The following TERF1 variants were observed in gnomAD, a reference collection of about 807,000 sequenced individuals.
TERF1 encodes the protein telomeric repeat-binding factor 1.
Under a neutral mutation model 55.1 loss-of-function variants are expected in TERF1, and 20 were observed. The observed-to-expected ratio is 0.36, with a 90% CI of 0.26 to 0.53. The LOEUF is 0.53. TERF1 is among the 20% of genes least tolerant of loss of function. The pLI, the probability that TERF1 is intolerant of heterozygous loss-of-function variation, is 0.91. For missense variants in TERF1, 439 were observed against 535.7 expected, an observed-to-expected ratio of 0.82 and a Z score of 1.78; for synonymous variants, 168 against 181.2, an observed-to-expected ratio of 0.93 and a Z score of 0.59.
intron 8 of TERF1, among the ~76,000 whole-genome samples, chr8:73,037,915 TATATA>T (rs1200906178): frequency 3.2e-5 from 4 of 125,036 alleles, no homozygotes; most frequent in Admixed American, 1.0e-4. Context: ...TATGATATAA[TATATA>T]ATATATATAA....
At chr8:73,024,796 T>A in intron 4 of TERF1, 26 bp from the exon 5 acceptor site, 1 of 1,491,166 alleles carries the variant, frequency 6.7e-7, no homozygotes, top group Non-Finnish European at 9.1e-7. Flanking sequence ...TGATTTATGT[T>A]AATATATTTC....
At chr8:73,024,090 A>G (rs1288514196) in intron 4 of TERF1, among the ~76,000 whole-genome samples, 1 of 152,208 alleles carries the variant, frequency 6.6e-6, no homozygotes, top group Non-Finnish European at 1.5e-5. Context: ...TTGTGCAGCC[A>G]GCATTGAAAA....
rs1196527505 is a variant in TERF1 at position 73,047,522 on chromosome 8, T to G, written c.*1385T>G. The G allele has an allele frequency of 2.0e-5, 3 of 152,224 alleles. No homozygotes were observed. The highest frequency in any genetic ancestry group is 2.0e-4 in the Admixed American group (3 of 15,282). The allele number at this position is 152,224 out of a possible 1,614,324, so 9.4% of individuals were successfully genotyped here. On this transcript the variant is annotated 3_prime_UTR_variant, in exon 10 of 10. Coordinates refer to ENST00000276603, the MANE Select transcript of TERF1 (RefSeq NM_017489.3). Reference sequence around the variant, plus strand: ...ACAATTTTGGTTTTTCACCAACATTTTATTCTTTAAAAGATTTAGACTAAC... The same window carrying G: ...ACAATTTTGGTTTTTCACCAACATTGTATTCTTTAAAAGATTTAGACTAAC...
chr8:73,016,838 G>C (rs550723625), intron 2 of TERF1, among the ~76,000 whole-genome samples: 1 of 152,220 alleles, frequency 6.6e-6, no homozygotes, highest in East Asian at 1.9e-4. Flanking sequence ...ACCAGAAGCT[G>C]TTCTTATTTG....
At chr8:73,034,117 A>G (rs893269757) in intron 8 of TERF1, among the ~76,000 whole-genome samples, 3 of 97,372 alleles carry the variant, frequency 3.1e-5, no homozygotes, top group Admixed American at 2.6e-4. Context: ...ACACCCTGCT[A>G]TTTTTTTGTT....
intron 8 of TERF1, among the ~76,000 whole-genome samples, chr8:73,034,895 C>CG (rs1442865285): frequency 6.6e-6 from 1 of 152,000 alleles, no homozygotes; most frequent in African/African-American, 2.4e-5. Context: ...AATTTGAAAT[C>CG]AGACAGTCTG....
At chr8:73,009,240 G>T (rs747357861) in intron 1 of TERF1, 35 bp downstream of exon 1, 4 of 1,581,058 alleles carry the variant, frequency 2.5e-6, no homozygotes, top group African/African-American at 1.3e-5. Flanking sequence ...GGGACTACGC[G>T]GGGGGCGGAT....
intron 1 of TERF1, chr8:73,011,441 T>A (rs1302814182): frequency 1.3e-5 from 2 of 152,296 alleles, no homozygotes; most frequent in Non-Finnish European, 2.9e-5. Context: ...TCCCAGCTAC[T>A]CAGGAGGCTG....
intron 8 of TERF1, chr8:73,038,656 T>TGCCTAAAAA (rs1809704887): frequency 2.1e-6 from 1 of 481,654 alleles, no homozygotes; most frequent in Non-Finnish European, 2.7e-6. Flanking sequence ...TTAGGTTTTC[T>TGCCTAAAAA]GCCTAAACAA....
At chr8:73,018,559 C>A (rs1057118964) in intron 2 of TERF1, among the ~76,000 whole-genome samples, 1 of 152,066 alleles carries the variant, frequency 6.6e-6, no homozygotes. Context: ...ACCTGTAATC[C>A]CAGCTACTTG....
intron 1 of TERF1, chr8:73,011,143 G>A (rs59955385): frequency 0.67 from 101,922 of 151,660 alleles, 34,921 homozygotes; most frequent in Middle Eastern, 0.77. Context: ...TAGTCCCTAA[G>A]GAGAGTCAGC....
intron 2 of TERF1, among the ~76,000 whole-genome samples, chr8:73,017,245 G>A (rs1321012503): frequency 1.3e-5 from 2 of 152,142 alleles, no homozygotes. Flanking sequence ...GCTCTTGAAA[G>A]AAAGCAAGCA....
At chr8:73,035,417 G>A (rs1217773633) in intron 8 of TERF1, among the ~76,000 whole-genome samples, 15 of 150,998 alleles carry the variant, frequency 9.9e-5, no homozygotes, top group Admixed American at 6.6e-4. Context: ...AATATGCTTC[G>A]TAGATTTTTT....
At chr8:73,033,629 G>A (rs760910402) in intron 8 of TERF1, among the ~76,000 whole-genome samples, 1 of 152,240 alleles carries the variant, frequency 6.6e-6, no homozygotes, top group African/African-American at 2.4e-5. Context: ...AGCTACTCAG[G>A]AGGCTGAGGC....
At chr8:73,030,063 C>A (rs1809213132) in intron 6 of TERF1, 2 of 272,596 alleles carry the variant, frequency 7.3e-6, no homozygotes, top group Non-Finnish European at 1.4e-5. Flanking sequence ...AAATAAAGTG[C>A]CGTAGAAGAG....
Position 73,030,413 on chromosome 8 carries a change from T to C in TERF1, c.947+18T>C, listed in dbSNP as rs1809236038. On this transcript the variant is annotated intron_variant, in intron 7 of 9. Coordinates refer to ENST00000276603, the MANE Select transcript of TERF1 (RefSeq NM_017489.3). ...TTATTGAGGTGAAGTAAATTGACGT[T>C]TTTCTTCTTTGTCTTTCAAATCTTT... is the stretch of plus-strand genomic sequence containing the variant. 8 of 1,452,778 alleles carry C rather than the reference T, an allele frequency of 5.5e-6. No individual in the cohort carries two copies. Among genetic ancestry groups the C allele is most frequent in the Non-Finnish European group, 7.3e-6 (8 of 1,099,968 alleles). 90.0% of individuals were successfully genotyped at this position (1,452,778 alleles called of 1,614,324 possible).
intron 9 of TERF1, among the ~76,000 whole-genome samples, chr8:73,039,899 C>A (rs1282058102): frequency 6.6e-6 from 1 of 151,170 alleles, no homozygotes; most frequent in African/African-American, 2.4e-5. Context: ...GATCCTCCCA[C>A]CTTGGGCTCC....
intron 8 of TERF1, among the ~76,000 whole-genome samples, chr8:73,037,753 TA>T (rs1341153992): frequency 8.5e-5 from 7 of 82,300 alleles, no homozygotes; most frequent in South Asian, 8.3e-4. Context: ...ATATTATATA[TA>T]ATATTATATA....
At chr8:73,030,696 A>G (rs1356887295) in intron 7 of TERF1, 3 of 240,078 alleles carry the variant, frequency 1.2e-5, no homozygotes, top group Non-Finnish European at 2.4e-5. Flanking sequence ...AAACAAAGAT[A>G]TGATACTGGG....
Sources: gnomAD v4.1 joint callset for allele counts (sites outside exome capture counted in the v4.1 genomes callset) on GRCh38, gnomAD v4.1.1 for gene constraint, MANE v1.5 for transcripts, NCBI Gene and HGNC (gene_info 2026-07-23, HGNC 2026-07-21) for gene names.